Variants in FNBP1 observed in about 807,000 individuals in gnomAD.
FNBP1 encodes the protein formin-binding protein 1.
FNBP1 carries 26 observed loss-of-function variants against 90.6 expected under a neutral mutation model. That is an observed-to-expected ratio of 0.29 (90% CI 0.21 to 0.40). The LOEUF (loss-of-function observed/expected upper bound fraction) is 0.40. Among genes scored for constraint, FNBP1 ranks in the 10% least tolerant of loss-of-function variants. The pLI, the probability that FNBP1 is intolerant of heterozygous loss-of-function variation, is 1.00. For missense variants in FNBP1, 635 were observed against 768.0 expected (o/e 0.83, Z 2.05); for synonymous variants, 260 against 265.2 (o/e 0.98, Z 0.19).
chr9:130,007,636 T>C (rs1377785314), intron 1 of FNBP1, among the ~76,000 whole-genome samples: 2 of 152,174 alleles, frequency 1.3e-5, no homozygotes, highest in African/African-American at 4.8e-5. Flanking sequence ...GTTCCTCTCT[T>C]GTTTCTACGG....
At position 130,042,841 on chromosome 9, in the gene FNBP1, A is replaced by T; in HGVS notation, c.24+111T>A. 1 of 701,036 alleles carries T rather than the reference A, an allele frequency of 1.4e-6. No homozygotes were observed. The highest frequency in any genetic ancestry group is 2.0e-6 in the Non-Finnish European group (1 of 509,054). 43.4% of individuals were successfully genotyped at this position (701,036 alleles called of 1,614,324 possible). On this transcript the variant is annotated intron_variant, in intron 1 of 16. Transcript: ENST00000446176. This position sits in a 1 kb window ranked among gnomAD's most constrained non-coding sequence, Gnocchi z 5.5. The stretch of plus-strand genomic sequence containing the variant: ...TCCTCCCCAGGCCGCGAGGACCCCG[A>T]CCAGCGCGCCCTCGCCTCCGCCCAG...
At chr9:129,911,582 A>T (rs1282144449) in intron 11 of FNBP1, among the ~76,000 whole-genome samples, 1 of 152,130 alleles carries the variant, frequency 6.6e-6, no homozygotes, top group Non-Finnish European at 1.5e-5. Context: ...CCTCCCCCAC[A>T]CCTTGCCCTA....
intron 4 of FNBP1, among the ~76,000 whole-genome samples, chr9:129,973,485 C>G (rs2049807497): frequency 6.6e-6 from 1 of 152,000 alleles, no homozygotes; most frequent in Non-Finnish European, 1.5e-5. Flanking sequence ...TTCTTCTTTT[C>G]TTTTCTGTTT....
At position 129,942,990 on chromosome 9, in the gene FNBP1, G is replaced by A. The variant is rs553570104; in HGVS notation, c.514-13295C>T. ...TTATAGGCATGAGCCACTGCATCCG[G>A]CCCATTTGGCTTTAAATATCTTTCA... On this transcript the variant is annotated intron_variant, in intron 6 of 16. Coordinates refer to ENST00000446176, the MANE Select transcript of FNBP1 (RefSeq NM_015033.3). 1.9e-3 allele frequency among the ~76,000 whole-genome samples: 290 copies of A among 152,120 alleles called. 2 individuals carry two copies. The highest frequency in any genetic ancestry group is 6.7e-3 in the African/African-American group (277 of 41,492).
chr9:129,939,501 T>C (rs2044011837), intron 6 of FNBP1, among the ~76,000 whole-genome samples: 1 of 149,352 alleles, frequency 6.7e-6, no homozygotes, highest in African/African-American at 2.5e-5. Context: ...AATGTTAGTT[T>C]TGTCTTCTTT....
At position 129,890,386 on chromosome 9, in the gene FNBP1, A is replaced by G; in HGVS notation, c.*153T>C. The G allele has an allele frequency of 1.6e-6, 1 of 617,012 alleles. No homozygotes were observed. Among genetic ancestry groups the G allele is most frequent in the Admixed American group, 3.2e-5 (1 of 31,502 alleles). 38.2% of individuals were successfully genotyped at this position (617,012 alleles called of 1,614,324 possible). On this transcript the variant is annotated 3_prime_UTR_variant, in exon 17 of 17. Transcript: ENST00000446176. This position sits in a 1 kb window ranked among gnomAD's most constrained non-coding sequence, Gnocchi z 5.8. ...GGGCTGGGCGGGAGGGCAGGGCCGCAGGGAGCATGCTGGAGAGAGAGAGAG... is the reference window on the plus strand; with the variant it reads ...GGGCTGGGCGGGAGGGCAGGGCCGCGGGGAGCATGCTGGAGAGAGAGAGAG...
chr9:129,979,244 T>G, intron 3 of FNBP1, 74 bp downstream of exon 3: 1 of 804,828 alleles, frequency 1.2e-6, no homozygotes, highest in Non-Finnish European at 2.1e-6. Context: ...TTTATAGACA[T>G]GTATTTCTCC....
At chr9:130,033,736 T>C (rs1023845916) in intron 1 of FNBP1, among the ~76,000 whole-genome samples, 2 of 150,158 alleles carry the variant, frequency 1.3e-5, no homozygotes, top group African/African-American at 4.9e-5. Flanking sequence ...CTCACGCCTG[T>C]AATCACAGAA....
chr9:130,015,058 A>AATAT (rs2057085483), intron 1 of FNBP1, among the ~76,000 whole-genome samples: 1 of 152,142 alleles, frequency 6.6e-6, no homozygotes, highest in African/African-American at 2.4e-5. Flanking sequence ...TAATATAATA[A>AATAT]ATACTGTCAA....
At position 130,014,636 on chromosome 9, in the gene FNBP1, T is replaced by G. The variant is rs151079373; in HGVS notation, c.25-19678A>C. ...TTGTACATATTATTCTATACATACATATTTTCATACATTCTTTTGTAATAT... is the reference window on the plus strand; with the variant it reads ...TTGTACATATTATTCTATACATACAGATTTTCATACATTCTTTTGTAATAT... On this transcript the variant is annotated intron_variant, in intron 1 of 16. Coordinates refer to ENST00000446176, the MANE Select transcript of FNBP1 (RefSeq NM_015033.3). Among the ~76,000 whole-genome samples, 3 of 152,298 alleles carry G rather than the reference T, an allele frequency of 2.0e-5. No homozygotes were observed. The East Asian group carries it at 5.8e-4, about 29-fold the overall frequency.
At chr9:129,984,670 A>G (rs1215331783) in intron 2 of FNBP1, among the ~76,000 whole-genome samples, 1 of 151,856 alleles carries the variant, frequency 6.6e-6, no homozygotes, top group Non-Finnish European at 1.5e-5. Context: ...TCTCAACTTG[A>G]ATTGTATCTC....
At chr9:129,967,324 T>A (rs112433643) in intron 4 of FNBP1, among the ~76,000 whole-genome samples, 1,883 of 152,298 alleles carry the variant, frequency 0.012, 15 homozygotes, top group Middle Eastern at 0.02. Context: ...GGGATCAGCC[T>A]GGCCAATATG....
At position 129,924,972 on chromosome 9, in the gene FNBP1, G is replaced by T. The variant is rs745493143; in HGVS notation, c.975C>A (p.Ile325=). The change falls in exon 9 of 17, where the codon ATC becomes ATA. Residue 325 remains isoleucine, a synonymous_variant. Transcript: ENST00000446176. ...GKSKGKLWPF[I]KKNKLMSLLT... is the part of the protein sequence containing the mutation. ...CAACCATCAGTACCTTATTTTTTTT[G>T]ATGAACGGCCATAACTTTCCTTTGG... 14 of 1,605,354 alleles carry T rather than the reference G, an allele frequency of 8.7e-6. No individual in the cohort carries two copies. In the Admixed American group the frequency reaches 1.6e-4, roughly 18 times the overall value.
At chr9:130,018,797 T>C (rs1460691767) in intron 1 of FNBP1, among the ~76,000 whole-genome samples, 1 of 152,164 alleles carries the variant, frequency 6.6e-6, no homozygotes, top group African/African-American at 2.4e-5. Context: ...AAGAATATAG[T>C]GTAGCTAAAT....
At chr9:130,019,255 C>T (rs200473183) in intron 1 of FNBP1, among the ~76,000 whole-genome samples, 4 of 149,614 alleles carry the variant, frequency 2.7e-5, no homozygotes, top group East Asian at 3.9e-4. Flanking sequence ...GAGCCGAGAT[C>T]GCGCCACTGC....
chr9:129,910,547 G>A (rs1368614710), intron 11 of FNBP1, among the ~76,000 whole-genome samples: 4 of 150,502 alleles, frequency 2.7e-5, no homozygotes, highest in Non-Finnish European at 4.4e-5. Context: ...ATAAGCCAGG[G>A]CATTTAGAAA....
chr9:129,951,468 A>T (rs2046162030), intron 6 of FNBP1, among the ~76,000 whole-genome samples: 1 of 143,318 alleles, frequency 7.0e-6, no homozygotes, highest in Non-Finnish European at 1.5e-5. Context: ...TTGAGACAGG[A>T]TCTTGCTATG....
intron 6 of FNBP1, among the ~76,000 whole-genome samples, chr9:129,948,354 G>GTTTTTTTTTTTTT: frequency 9.7e-6 from 1 of 103,188 alleles, no homozygotes; most frequent in South Asian, 3.4e-4. Context: ...CTATTTTGGT[G>GTTTTTTTTTTTTT]TCTTTTTTTT....
chr9:129,910,504 A>AAAAAGAG (rs1298095363), intron 11 of FNBP1, among the ~76,000 whole-genome samples: 1 of 104,058 alleles, frequency 9.6e-6, no homozygotes, highest in Non-Finnish European at 1.8e-5. Flanking sequence ...AAAAAAAAAA[A>AAAAAGAG]AGAGAGAGAG....
Sources: allele counts gnomAD v4.1 joint callset (sites outside exome capture counted in the v4.1 genomes callset), GRCh38; gene constraint gnomAD v4.1.1; non-coding constraint Gnocchi (gnomAD v3.1); transcripts MANE v1.5; gene names NCBI Gene and HGNC (gene_info 2026-07-23, HGNC 2026-07-21).